Variants in KIRREL1 observed in about 807,000 individuals in gnomAD.
KIRREL1 encodes the protein kirre like nephrin family adhesion molecule 1, also known as kin of IRRE-like protein 1.
A neutral mutation model predicts 83.3 loss-of-function variants in KIRREL1; 25 were observed. The ratio of observed to expected loss-of-function variants is 0.30; its 90% CI spans 0.22 to 0.42. The LOEUF (loss-of-function observed/expected upper bound fraction) is 0.42. KIRREL1 is among the 10% of genes least tolerant of loss of function. The probability of loss-of-function intolerance (pLI) is 1.00; values close to 1 mark genes in which losing one functional copy is unlikely to be tolerated. For missense variants in KIRREL1, 812 were observed against 1,032.3 expected (o/e 0.79, Z 2.92); for synonymous variants, 388 against 410.4 (o/e 0.95, Z 0.66).
At chr1:158,070,008 G>A (rs547502772) in intron 1 of KIRREL1, among the ~76,000 whole-genome samples, 13 of 152,270 alleles carry the variant, frequency 8.5e-5, no homozygotes, top group African/African-American at 3.1e-4. Context: ...TTCCAGCCTT[G>A]GCTACCGCTC....
chr1:158,005,742 T>C (rs1659499612), intron 1 of KIRREL1, among the ~76,000 whole-genome samples: 1 of 152,026 alleles, frequency 6.6e-6, no homozygotes, highest in African/African-American at 2.4e-5. Flanking sequence ...GGGGGAGCAG[T>C]GGGGAACTGT....
At chr1:158,086,831 C>A in intron 5 of KIRREL1, 85 bp downstream of exon 5, 3 of 1,280,060 alleles carry the variant, frequency 2.3e-6, no homozygotes, top group African/African-American at 1.5e-5. Context: ...TTGAGAAACA[C>A]AAACTAAGAG....
intron 1 of KIRREL1, among the ~76,000 whole-genome samples, chr1:158,057,850 G>C (rs1276878137): frequency 1.3e-5 from 2 of 152,176 alleles, no homozygotes; most frequent in African/African-American, 2.4e-5. Context: ...CAGTGTCTTT[G>C]GACCTCAGTG....
At chr1:158,091,321 C>T in intron 10 of KIRREL1, 37 bp from the exon 11 acceptor site, 1 of 1,592,862 alleles carries the variant, frequency 6.3e-7, no homozygotes, top group Non-Finnish European at 8.6e-7. Context: ...CTGCCCCCTG[C>T]CCCTTTCTTA....
intron 1 of KIRREL1, among the ~76,000 whole-genome samples, chr1:158,053,385 C>T (rs541735994): frequency 6.6e-6 from 1 of 152,314 alleles, no homozygotes; most frequent in African/African-American, 2.4e-5. Context: ...AATGCAGCAT[C>T]TTAAGGTTGC....
intron 1 of KIRREL1, among the ~76,000 whole-genome samples, chr1:157,993,945 A>G (rs537010234): frequency 6.6e-6 from 1 of 152,174 alleles, no homozygotes; most frequent in East Asian, 1.9e-4. Flanking sequence ...GATTTGCCCA[A>G]GTTGTTTCCT....
At chr1:158,074,245 G>A (rs964114511) in intron 1 of KIRREL1, among the ~76,000 whole-genome samples, 8 of 152,096 alleles carry the variant, frequency 5.3e-5, no homozygotes, top group African/African-American at 1.7e-4. Flanking sequence ...TATGGGAGAG[G>A]GAGCCTGTTT....
intron 10 of KIRREL1, among the ~76,000 whole-genome samples, chr1:158,090,107 A>G (rs1174923505): frequency 6.6e-6 from 1 of 152,154 alleles, no homozygotes; most frequent in African/African-American, 2.4e-5. Context: ...AAGTCATGGC[A>G]GCAACAGGTG....
At chr1:158,093,848 T>G in intron 13 of KIRREL1, 86 bp downstream of exon 13, 29 of 1,411,410 alleles carry the variant, frequency 2.1e-5, no homozygotes, top group Non-Finnish European at 2.7e-5. Flanking sequence ...ACCGCGGTCA[T>G]TCTCTCCTTC....
chr1:158,014,966 G>A (rs1167266320), intron 1 of KIRREL1, among the ~76,000 whole-genome samples: 3 of 152,106 alleles, frequency 2.0e-5, no homozygotes, highest in African/African-American at 7.2e-5. Flanking sequence ...ATGCTTCTTA[G>A]GATTTTTCCA....
Position 158,097,104 on chromosome 1 carries a change from A to G in KIRREL1, c.*1984A>G. On this transcript the variant is annotated 3_prime_UTR_variant, in exon 15 of 15. Transcript: ENST00000359209. ...GGAAAACTCCTGTGGAGTGGGCCCTATCTGGGGCATTTACAGGCTTCCAGC... is the reference window on the plus strand; with the variant it reads ...GGAAAACTCCTGTGGAGTGGGCCCTGTCTGGGGCATTTACAGGCTTCCAGC... 2 of 456,468 alleles carry G rather than the reference A, an allele frequency of 4.4e-6. No homozygotes were observed. The highest frequency in any genetic ancestry group is 1.5e-5 in the South Asian group (1 of 64,524). The allele number at this position is 456,468 out of a possible 1,614,324, so 28.3% of individuals were successfully genotyped here.
chr1:158,020,907 A>C (rs531429401), intron 1 of KIRREL1, among the ~76,000 whole-genome samples: 106 of 152,332 alleles, frequency 7.0e-4, no homozygotes, highest in Non-Finnish European at 1.2e-3. Context: ...CTGAGACATA[A>C]ACGTTTTCAT....
chr1:158,003,755 T>C (rs1659435550), intron 1 of KIRREL1, among the ~76,000 whole-genome samples: 1 of 151,926 alleles, frequency 6.6e-6, no homozygotes, highest in African/African-American at 2.4e-5. Flanking sequence ...CTCATTTTAA[T>C]GTCAGTTTGA....
chr1:158,045,161 G>A (rs553064345), intron 1 of KIRREL1, among the ~76,000 whole-genome samples: 44 of 151,766 alleles, frequency 2.9e-4, no homozygotes, highest in African/African-American at 1.0e-3. Flanking sequence ...AGGTGAGCAG[G>A]GGAACTGGTG....
In KIRREL1 at chr1:158,097,270, TG is replaced by T. The variant is rs11339854; in HGVS notation, c.*2155del. The T allele has an allele frequency of 0.49, 155,697 of 316,890 alleles. 40,572 individuals are homozygous for T. Among genetic ancestry groups the T allele is most frequent in the East Asian group, 0.68 (7,979 of 11,728 alleles). The allele number at this position is 316,890 out of a possible 1,614,324, so 19.6% of individuals were successfully genotyped here. ...TTATTTTCACAAAAACCAGAAACCA[TG>T]GGGGAATCCAAAGACTTGAAGTCTA... On this transcript the variant is annotated 3_prime_UTR_variant, in exon 15 of 15. Coordinates refer to ENST00000359209, the MANE Select transcript of KIRREL1 (RefSeq NM_018240.7).
At chr1:158,088,541 G>A in intron 8 of KIRREL1, 87 bp downstream of exon 8, 2 of 1,204,636 alleles carry the variant, frequency 1.7e-6, no homozygotes, top group Admixed American at 2.8e-5. Flanking sequence ...CTGGAGTGCA[G>A]TGGCGCGATC....
At chr1:158,063,354 T>G (rs1661266351) in intron 1 of KIRREL1, among the ~76,000 whole-genome samples, 1 of 143,672 alleles carries the variant, frequency 7.0e-6, no homozygotes, top group Non-Finnish European at 1.5e-5. Context: ...CAAGCATCTA[T>G]TAAGGCTGTA....
chr1:157,998,107 C>T (rs1225017088), intron 1 of KIRREL1, among the ~76,000 whole-genome samples: 3 of 152,182 alleles, frequency 2.0e-5, no homozygotes, highest in African/African-American at 4.8e-5. Context: ...AAGGCTCAAC[C>T]GCTTCTTACA....
At chr1:158,024,101 C>T (rs990134091) in intron 1 of KIRREL1, among the ~76,000 whole-genome samples, 1 of 152,046 alleles carries the variant, frequency 6.6e-6, no homozygotes, top group African/African-American at 2.4e-5. Flanking sequence ...GTGCATGCCA[C>T]TGCACCTGGC....
Sources: gnomAD v4.1 joint callset for allele counts (sites outside exome capture counted in the v4.1 genomes callset) on GRCh38, gnomAD v4.1.1 for gene constraint, MANE v1.5 for transcripts, NCBI Gene and HGNC (gene_info 2026-07-23, HGNC 2026-07-21) for gene names.